Variants in MYO5C observed in about 807,000 individuals in gnomAD.
MYO5C encodes the protein unconventional myosin-Vc.
In MYO5C, 194 loss-of-function variants were observed where a neutral mutation model predicts 235.7. That is an observed-to-expected ratio of 0.82 (90% CI 0.73 to 0.93). The LOEUF (loss-of-function observed/expected upper bound fraction) is 0.93, where lower values mean the gene tolerates loss of function less well. Among genes scored for constraint, MYO5C ranks in the 40% least tolerant of loss-of-function variants. The probability of loss-of-function intolerance (pLI) is 0.00; values close to 1 mark genes in which losing one functional copy is unlikely to be tolerated. For synonymous variants in MYO5C, 707 were observed against 754.8 expected (o/e 0.94, Z 1.04); for missense variants, 2,038 against 2,127.2 (o/e 0.96, Z 0.82).
chr15:52,235,697 G>A lies in MYO5C; in HGVS notation c.2935C>T (p.Leu979Phe), dbSNP rs1224527927. ...TTTAACTCTTCAGTCTTCTCTTGAA[G>A]CTTCAGCTGTATTTGTTCTTTCTGT... is the stretch of plus-strand genomic sequence containing the variant. Reference protein sequence around the residue: ...ETQKEQIQLKLQEKTEELKEK... With the variant: ...ETQKEQIQLKFQEKTEELKEK... The change falls in exon 23 of 41, where the codon CTT becomes TTT. Residue 979 changes from leucine (L) to phenylalanine (F), a missense_variant. Coordinates refer to ENST00000261839, the MANE Select transcript of MYO5C (RefSeq NM_018728.4). The A allele has an allele frequency of 1.2e-6, 2 of 1,612,356 alleles. No individual in the cohort carries two copies. The highest frequency in any genetic ancestry group is 1.7e-6 in the Non-Finnish European group (2 of 1,179,124).
chr15:52,288,774 G>A (rs774872013), intron 1 of MYO5C, among the ~76,000 whole-genome samples: 1 of 152,188 alleles, frequency 6.6e-6, no homozygotes, highest in Non-Finnish European at 1.5e-5. Flanking sequence ...GGAACAGCTC[G>A]CCAAGCCCTT....
rs150087456 is a variant in MYO5C at position 52,282,936 on chromosome 15, A to G, written c.28-44T>C. The G allele has an allele frequency of 4.3e-3, 5,468 of 1,266,800 alleles. 22 individuals carry two copies. Among genetic ancestry groups the G allele is most frequent in the Non-Finnish European group, 5.2e-3 (4,501 of 866,116 alleles). The allele number at this position is 1,266,800 out of a possible 1,614,324, so 78.5% of individuals were successfully genotyped here. A position where few individuals can be genotyped will look rare whatever the true frequency, so the allele number is the denominator to read the frequency against. On this transcript the variant is annotated intron_variant, in intron 1 of 40. Coordinates refer to ENST00000261839, the MANE Select transcript of MYO5C (RefSeq NM_018728.4). ...AAAGCTGAATTTCAGGACTTCCAAA[A>G]TTATGGATCAATGCATGGTTAGACA...
chr15:52,205,996 G>A (rs1358759191), intron 36 of MYO5C, 30 bp from the exon 37 acceptor site: 17 of 1,329,100 alleles, frequency 1.3e-5, no homozygotes, highest in Admixed American at 2.1e-5. Context: ...TAAAATATTA[G>A]AATAATACAA....
chr15:52,205,310 G>C, intron 37 of MYO5C, 163 bp from the exon 38 acceptor site: 4 of 778,718 alleles, frequency 5.1e-6, no homozygotes, highest in Non-Finnish European at 8.0e-6. Flanking sequence ...GGACACCAGG[G>C]TGTGTGTCAG....
intron 4 of MYO5C, 83 bp downstream of exon 4, chr15:52,278,790 A>G (rs1353413339): frequency 6.5e-7 from 1 of 1,532,192 alleles, no homozygotes; most frequent in Non-Finnish European, 8.9e-7. Context: ...CCCAACCTAG[A>G]TATCTCCCCT....
intron 3 of MYO5C, 51 bp from the exon 4 acceptor site, chr15:52,279,068 C>T: frequency 1.3e-6 from 2 of 1,541,314 alleles, no homozygotes; most frequent in East Asian, 4.5e-5. Flanking sequence ...CCACCTGCAT[C>T]TCCAGTTTTT....
chr15:52,238,911 G>A (rs1284300085), intron 21 of MYO5C, among the ~76,000 whole-genome samples: 2 of 151,882 alleles, frequency 1.3e-5, no homozygotes, highest in East Asian at 1.9e-4. Context: ...AAAGTGCTGG[G>A]ATTACAGGCG....
rs752507849 is a variant in MYO5C, at chr15:52,244,397, G to C, written c.2349C>G (p.Ala783=). 3 of 1,613,728 alleles carry C rather than the reference G, an allele frequency of 1.9e-6. No individual in the cohort carries two copies. The highest frequency in any genetic ancestry group is 1.3e-5 in the African/African-American group (1 of 74,850). ...CCCGGAAGTACTGCTGGATTATCAG[G>C]GCGGCTCGTCTCTCTCGGAGGAATT... is the stretch of plus-strand genomic sequence containing the variant. The part of the protein sequence containing the change: ...RKKFLRERRA[A]LIIQQYFRGQ... The change falls in exon 19 of 41, where the codon GCC becomes GCG. Residue 783 remains alanine (A), a synonymous_variant. Transcript: ENST00000261839.
At chr15:52,224,460 G>A (rs1012371894) in intron 28 of MYO5C, among the ~76,000 whole-genome samples, 5 of 152,202 alleles carry the variant, frequency 3.3e-5, no homozygotes, top group Non-Finnish European at 7.3e-5. Context: ...ACACATCACT[G>A]TGGTTTGGGA....
chr15:52,193,346 T>C lies in MYO5C; in HGVS notation c.*556A>G, dbSNP rs577417481. On this transcript the variant is annotated 3_prime_UTR_variant, in exon 41 of 41. Transcript: ENST00000261839. Reference sequence around the variant, plus strand: ...AAAAAAAAAAAAAAATTTAGAAGGGTCTAAAATAAACATTTTTAAATGCAG... The same window carrying C: ...AAAAAAAAAAAAAAATTTAGAAGGGCCTAAAATAAACATTTTTAAATGCAG... 1.8e-4 allele frequency: 27 copies of C among 146,608 alleles called. No homozygotes were observed. Among genetic ancestry groups the C allele is most frequent in the African/African-American group, 6.8e-4 (27 of 39,796 alleles). The allele number at this position is 146,608 out of a possible 1,614,324, so 9.1% of individuals were successfully genotyped here.
intron 1 of MYO5C, among the ~76,000 whole-genome samples, chr15:52,284,331 C>A (rs1009843751): frequency 6.6e-6 from 1 of 152,128 alleles, no homozygotes; most frequent in Non-Finnish European, 1.5e-5. Flanking sequence ...GTTAAAGAAG[C>A]CTTACACAAA....
At chr15:52,215,484 C>A (rs1011111897) in intron 32 of MYO5C, among the ~76,000 whole-genome samples, 1 of 152,214 alleles carries the variant, frequency 6.6e-6, no homozygotes, top group African/African-American at 2.4e-5. Flanking sequence ...AGCTGTGTGC[C>A]CTCTAGGGAC....
intron 4 of MYO5C, chr15:52,278,037 G>A (rs1331701978): frequency 2.2e-6 from 1 of 444,934 alleles, no homozygotes; most frequent in East Asian, 7.0e-5. Flanking sequence ...TCTGTGAAAT[G>A]AGGGCAATGA....
chr15:52,242,325 A>G, intron 19 of MYO5C, 112 bp from the exon 20 acceptor site: 2 of 1,131,684 alleles, frequency 1.8e-6, no homozygotes, highest in South Asian at 3.0e-5. Flanking sequence ...AATATTTTAC[A>G]CCTCTCCACA....
intron 1 of MYO5C, among the ~76,000 whole-genome samples, chr15:52,293,099 T>A (rs1459515110): frequency 6.6e-6 from 1 of 152,196 alleles, no homozygotes; most frequent in Non-Finnish European, 1.5e-5. Flanking sequence ...CTCTGAACAT[T>A]TCTAAGGCAT....
intron 40 of MYO5C, among the ~76,000 whole-genome samples, chr15:52,194,564 T>C (rs1180679292): frequency 1.3e-5 from 2 of 152,166 alleles, no homozygotes; most frequent in African/African-American, 4.8e-5. Context: ...GTATTTGCCA[T>C]ATTAGTAATT....
At chr15:52,194,154 A>G in intron 40 of MYO5C, 100 bp from the exon 41 acceptor site, 1 of 1,112,932 alleles carries the variant, frequency 9.0e-7, no homozygotes, top group Non-Finnish European at 1.3e-6. Flanking sequence ...TCTAGTGGAG[A>G]GCTCCTTGCA....
In MYO5C at chr15:52,228,694, A is replaced by C. The variant is rs537821001; in HGVS notation, c.3207+439T>G. On this transcript the variant is annotated intron_variant, in intron 25 of 40. Coordinates refer to ENST00000261839, the MANE Select transcript of MYO5C (RefSeq NM_018728.4). ...AATTTTGAATGTACAATATGCTCTT[A>C]TTAACTACATTCACCACACTGTGCA... 1.1e-3 allele frequency among the ~76,000 whole-genome samples: 169 copies of C among 152,352 alleles called. 1 individual carries two copies. The highest frequency in any genetic ancestry group is 3.6e-3 in the African/African-American group (150 of 41,582).
At position 52,239,772 on chromosome 15, in the gene MYO5C, A is replaced by G. The variant is rs1399045180; in HGVS notation, c.2664T>C (p.Thr888=). 8.7e-6 allele frequency: 14 copies of G among 1,612,876 alleles called. No individual in the cohort carries two copies. Among genetic ancestry groups the G allele is most frequent in the Non-Finnish European group, 1.2e-5 (14 of 1,179,320 alleles). ...TTTTCTGCAAACGCTGGACCCTGTA[A>G]GTAAGCTGAATATTAAGCACGAATC... ...IRRFVLNIQL[T]YRVQRLQKKL... Residue 888 remains threonine, a synonymous_variant, in exon 21 of 41, where the codon ACT becomes ACC. Transcript: ENST00000261839.
Sources: allele counts gnomAD v4.1 joint callset (sites outside exome capture counted in the v4.1 genomes callset), GRCh38; gene constraint gnomAD v4.1.1; transcripts MANE v1.5; gene names NCBI Gene and HGNC (gene_info 2026-07-23, HGNC 2026-07-21).